Variants in USP42 observed in about 807,000 individuals in gnomAD.
The protein encoded by USP42 is ubiquitin carboxyl-terminal hydrolase 42.
Under a neutral mutation model 113.0 loss-of-function variants are expected in USP42, and 23 were observed. The ratio of observed to expected loss-of-function variants is 0.20; its 90% CI spans 0.15 to 0.29. The LOEUF (loss-of-function observed/expected upper bound fraction) is 0.29. Ranked by LOEUF, USP42 falls within the 10% of genes least tolerant of loss-of-function variation. The pLI is 1.00. For missense variants in USP42, 2,174 were observed against 1,779.8 expected (o/e 1.22, Z -3.99); for synonymous variants, 933 against 699.0 (o/e 1.33, Z -5.28).
Position 6,154,669 on chromosome 7 carries a change from G to C in USP42, c.3115G>C (p.Glu1039Gln). Reference sequence around the variant, plus strand: ...GGACTGGGTCAGACACCACTACACCGAGGGCGAGCGTGGCTGGGGCCGGGA... The same window carrying C: ...GGACTGGGTCAGACACCACTACACCCAGGGCGAGCGTGGCTGGGGCCGGGA... ...ELDWVRHHYT[E>Q]GERGWGREKF... is the part of the protein sequence containing the mutation. The change falls in exon 15 of 18, where the codon GAG becomes CAG. Residue 1039 changes from glutamate (E) to glutamine (Q), a missense_variant. Glu to Gln is a conservative substitution (Grantham distance 29). Coordinates refer to ENST00000306177, the MANE Select transcript of USP42 (RefSeq NM_032172.3). 1 of 1,605,762 alleles carries C rather than the reference G, an allele frequency of 6.2e-7. No homozygotes were observed. Among genetic ancestry groups the C allele is most frequent in the Non-Finnish European group, 8.5e-7 (1 of 1,176,974 alleles).
In USP42 at chr7:6,157,748, C is replaced by G. The variant is rs7777264; in HGVS notation, c.3943+693C>G. On this transcript the variant is annotated intron_variant, in intron 16 of 17. Transcript: ENST00000306177. This position sits in a 1 kb window ranked among gnomAD's most constrained non-coding sequence, Gnocchi z 4.1. ...CGGTACTGATTTGCTCGCTTGGTTC[C>G]TTAGAAGCGTGGGCACCAGCCTCTG... Among the ~76,000 whole-genome samples, 2 of 151,862 alleles carry G rather than the reference C, an allele frequency of 1.3e-5. No individual in the cohort carries two copies. Among genetic ancestry groups the G allele is most frequent in the African/African-American group, 4.8e-5 (2 of 41,274 alleles).
intron 3 of USP42, among the ~76,000 whole-genome samples, chr7:6,135,145 A>G (rs967315533): frequency 3.9e-5 from 6 of 152,124 alleles, no homozygotes; most frequent in African/African-American, 1.4e-4. Flanking sequence ...GTTTGAGATA[A>G]ATAGTGGTGT....
chr7:6,136,363 G>C (rs1781150218), intron 4 of USP42, among the ~76,000 whole-genome samples: 3 of 152,060 alleles, frequency 2.0e-5, no homozygotes, highest in Admixed American at 6.6e-5. Context: ...TCATGTATTA[G>C]AAAACAAATA....
chr7:6,112,897 T>C (rs916265745), intron 2 of USP42, among the ~76,000 whole-genome samples: 3 of 138,724 alleles, frequency 2.2e-5, no homozygotes, highest in Non-Finnish European at 4.6e-5. Context: ...CTTTAGTAAG[T>C]TTCTTTTTTT....
At chr7:6,115,742 C>T (rs184265074) in intron 3 of USP42, among the ~76,000 whole-genome samples, 1 of 152,230 alleles carries the variant, frequency 6.6e-6, no homozygotes, top group East Asian at 1.9e-4. Flanking sequence ...TAAAAAGAAA[C>T]ATTTTATCAG....
At chr7:6,143,994 A>G (rs1781570551) in intron 8 of USP42, 91 bp from the exon 9 acceptor site, 2 of 733,888 alleles carry the variant, frequency 2.7e-6, no homozygotes, top group Non-Finnish European at 2.1e-6. Flanking sequence ...TTAATATGTA[A>G]TGTTTGAGAA....
chr7:6,096,671 T>C, the USP42 span, among the ~76,000 whole-genome samples: 3 of 151,492 alleles, frequency 2.0e-5, no homozygotes, highest in Admixed American at 6.6e-5. Context: ...GATTAATCCC[T>C]GGAGATTAAT....
chr7:6,099,962 CAA>C (rs78427438), upstream of USP42, among the ~76,000 whole-genome samples: 249 of 134,608 alleles, frequency 1.8e-3, 1 homozygote, highest in East Asian at 0.022. Flanking sequence ...GACTCCCTCT[CAA>C]AAAAAAAAAA....
At position 6,159,377 on chromosome 7, in the gene USP42, GCA is replaced by G. The variant is rs1382006321; in HGVS notation, c.3944-64_3944-63del. 1.9e-6 allele frequency: 3 copies of G among 1,601,896 alleles called. No individual in the cohort carries two copies. Among genetic ancestry groups the G allele is most frequent in the African/African-American group, 1.3e-5 (1 of 74,546 alleles). ...GTGACTCTGACCATAGCCACTTAACGCACACACACAGCAGAGGCCCTGGCGAT... is the reference window on the plus strand; with the variant it reads ...GTGACTCTGACCATAGCCACTTAACGCACACACAGCAGAGGCCCTGGCGAT... On this transcript the variant is annotated intron_variant, in intron 16 of 17. Transcript: ENST00000306177. This position sits in a 1 kb window ranked among gnomAD's most constrained non-coding sequence, Gnocchi z 4.1.
chr7:6,097,572 A>G, the USP42 span, among the ~76,000 whole-genome samples: 1 of 148,670 alleles, frequency 6.7e-6, no homozygotes, highest in Admixed American at 6.7e-5. Flanking sequence ...GCGCCCAGCC[A>G]TGTGGGTTAT....
rs751711716 is a variant in USP42, at chr7:6,154,195, C to G, written c.2641C>G (p.Arg881Gly). Residue 881 changes from arginine (R) to glycine (G), a missense_variant, in exon 15 of 18, where the codon CGG (arginine) becomes GGG (glycine). Transcript: ENST00000306177. Reference protein sequence around the residue: ...LLVHPSGDHARDAQDPSQSLG... With the variant: ...LLVHPSGDHAGDAQDPSQSLG... The stretch of plus-strand genomic sequence containing the variant: ...TGTTCACCCCAGCGGGGACCACGCC[C>G]GGGACGCTCAGGACCCATCCCAGAG... 2 of 1,602,058 alleles carry G rather than the reference C, an allele frequency of 1.2e-6. No individual in the cohort carries two copies. Among genetic ancestry groups the G allele is most frequent in the East Asian group, 2.2e-5 (1 of 44,724 alleles).
chr7:6,107,306 G>A (rs1355510762), intron 1 of USP42, among the ~76,000 whole-genome samples: 2 of 152,014 alleles, frequency 1.3e-5, no homozygotes, highest in East Asian at 3.8e-4. Context: ...TTTATCCCCT[G>A]AAAATTAAGG....
chr7:6,130,424 T>C (rs1780788930), intron 3 of USP42, among the ~76,000 whole-genome samples: 1 of 152,198 alleles, frequency 6.6e-6, no homozygotes. Context: ...GTCCTGCCTC[T>C]GACCCTCACC....
intron 14 of USP42, chr7:6,153,077 C>G (rs1046699992): frequency 9.9e-6 from 4 of 405,838 alleles, no homozygotes; most frequent in African/African-American, 8.7e-5. Context: ...TCGAGACCAG[C>G]TTGGCCAAGG....
chr7:6,137,410 G>C (rs1390694351), intron 4 of USP42, among the ~76,000 whole-genome samples: 1 of 152,268 alleles, frequency 6.6e-6, no homozygotes, highest in African/African-American at 2.4e-5. Flanking sequence ...CAAGCCTGGA[G>C]TGCAGTGGCA....
Position 6,149,930 on chromosome 7 carries a change from A to G in USP42, c.1734A>G (p.Val578=), listed in dbSNP as rs761234740. The change falls in exon 13 of 18, where the codon GTA becomes GTG. Residue 578 remains valine, a synonymous_variant. Transcript: ENST00000306177. ...CTACGATGTCAGTTTCTAGTAAAGT[A>G]ACAAAACCGATCCCCCGCAGTGAAT... ...NASTMSVSSK[V]TKPIPRSESC... is the part of the protein sequence containing the mutation. 6.2e-7 allele frequency: 1 copy of G among 1,614,040 alleles called. No homozygotes were observed. Among genetic ancestry groups the G allele is most frequent in the Admixed American group, 1.7e-5 (1 of 60,032 alleles).
At chr7:6,082,075 A>G in the USP42 span, among the ~76,000 whole-genome samples, 2 of 151,768 alleles carry the variant, frequency 1.3e-5, no homozygotes, top group Non-Finnish European at 2.9e-5. Flanking sequence ...TAAATATACT[A>G]TATATACATA....
chr7:6,101,861 T>C (rs890070412), upstream of USP42, among the ~76,000 whole-genome samples: 3 of 150,288 alleles, frequency 2.0e-5, no homozygotes, highest in Admixed American at 6.6e-5. Flanking sequence ...GGCAGATCAC[T>C]TGAGGCCAGG....
chr7:6,142,896 G>T (rs1023437358), intron 7 of USP42, 36 bp from the exon 8 acceptor site: 3 of 1,604,694 alleles, frequency 1.9e-6, no homozygotes, highest in Non-Finnish European at 2.6e-6. Flanking sequence ...GTGACGGTGT[G>T]CGGTGATGTG....
Sources: gnomAD v4.1 joint callset for allele counts (sites outside exome capture counted in the v4.1 genomes callset) on GRCh38, gnomAD v4.1.1 for gene constraint, Gnocchi (gnomAD v3.1) non-coding constraint, MANE v1.5 for transcripts, NCBI Gene and HGNC (gene_info 2026-07-23, HGNC 2026-07-21) for gene names.